The following CAST variants were observed in gnomAD, a reference collection of about 807,000 sequenced individuals.
CAST encodes the protein calpastatin.
Under a neutral mutation model 119.6 loss-of-function variants are expected in CAST, and 76 were observed. That is an observed-to-expected ratio of 0.64 (90% confidence interval 0.53 to 0.77). CAST has a LOEUF of 0.77. CAST is among the 30% of genes least tolerant of loss of function. The pLI, the probability that CAST is intolerant of heterozygous loss-of-function variation, is 0.00. For synonymous variants in CAST, 319 were observed against 331.6 expected, an observed-to-expected ratio of 0.96 and a Z score of 0.41; for missense variants, 953 against 946.5, an observed-to-expected ratio of 1.01 and a Z score of -0.09.
At chr5:96,462,750 A>G in the CAST span, among the ~76,000 whole-genome samples, 2 of 152,110 alleles carry the variant, frequency 1.3e-5, no homozygotes, top group Non-Finnish European at 2.9e-5. Context: ...CCATGTGTCA[A>G]GGGACAAACC....
chr5:96,173,750 C>CT, the CAST span, among the ~76,000 whole-genome samples: 10,228 of 146,820 alleles, frequency 0.07, 1,018 homozygotes, highest in African/African-American at 0.22. Context: ...TTTTTTTTTT[C>CT]TTTTTTTTTT....
At chr5:96,195,975 AGAGT>A in the CAST span, among the ~76,000 whole-genome samples, 1 of 152,162 alleles carries the variant, frequency 6.6e-6, no homozygotes, top group African/African-American at 2.4e-5. Flanking sequence ...TTCAATAGTT[AGAGT>A]GACTATTCTA....
intron 1 of CAST, among the ~76,000 whole-genome samples, chr5:96,618,544 T>C (rs1747519528): frequency 6.6e-6 from 1 of 152,208 alleles, no homozygotes; most frequent in Non-Finnish European, 1.5e-5. Flanking sequence ...GGGCTGCGCA[T>C]GGCGCTCGCG....
chr5:96,270,210 C>T, the CAST span, among the ~76,000 whole-genome samples: 1 of 151,994 alleles, frequency 6.6e-6, no homozygotes, highest in Non-Finnish European at 1.5e-5. Context: ...GACAAAAACC[C>T]CCAACAAACT....
At chr5:96,465,935 G>A in the CAST span, among the ~76,000 whole-genome samples, 11 of 151,992 alleles carry the variant, frequency 7.2e-5, no homozygotes, top group Admixed American at 3.3e-4. Context: ...GTGTATATCC[G>A]TGACTTGAGT....
the CAST span, among the ~76,000 whole-genome samples, chr5:96,514,100 C>T: frequency 6.6e-6 from 1 of 152,178 alleles, no homozygotes; most frequent in Non-Finnish European, 1.5e-5. Context: ...AGTATGACCT[C>T]ATCTTAATAA....
At chr5:96,722,771 ATTG>A in intron 4 of CAST, 73 bp downstream of exon 4, 4 of 1,019,122 alleles carry the variant, frequency 3.9e-6, no homozygotes, top group Non-Finnish European at 6.3e-6. Flanking sequence ...ATGTAGACTA[ATTG>A]TTGATGATGA....
the CAST span, among the ~76,000 whole-genome samples, chr5:96,482,871 C>G: frequency 3.5e-4 from 53 of 152,218 alleles, no homozygotes; most frequent in African/African-American, 1.2e-3. Context: ...TAAACATTCA[C>G]TAGGAAATGG....
intron 18 of CAST, 147 bp from the exon 19 acceptor site, chr5:96,748,371 G>GA (rs1034896665): frequency 5.4e-5 from 23 of 425,262 alleles, no homozygotes; most frequent in Non-Finnish European, 8.1e-5. Flanking sequence ...GTTGATAAAT[G>GA]AAAAAATATG....
chr5:96,325,912 G>A, the CAST span, among the ~76,000 whole-genome samples: 18 of 152,196 alleles, frequency 1.2e-4, no homozygotes, highest in Admixed American at 1.2e-3. Flanking sequence ...GACCCAACTT[G>A]GCGATCCACA....
At chr5:96,046,107 G>T in the CAST span, among the ~76,000 whole-genome samples, 23 of 152,214 alleles carry the variant, frequency 1.5e-4, no homozygotes, top group African/African-American at 5.5e-4. Context: ...TCAGGAAGTG[G>T]CTAGGAGGCC....
chr5:96,460,378 G>T, the CAST span, among the ~76,000 whole-genome samples: 38 of 152,102 alleles, frequency 2.5e-4, no homozygotes, highest in African/African-American at 8.7e-4. Flanking sequence ...GGGCCTGTCA[G>T]GTGGTTGGAG....
the CAST span, among the ~76,000 whole-genome samples, chr5:96,310,796 A>T: frequency 1.4e-5 from 2 of 145,460 alleles, no homozygotes; most frequent in African/African-American, 2.5e-5. Flanking sequence ...GGTTTTGTTT[A>T]TTTGAATCTT....
intron 1 of CAST, among the ~76,000 whole-genome samples, chr5:96,598,058 C>T (rs914371372): frequency 2.0e-5 from 3 of 152,182 alleles, no homozygotes; most frequent in African/African-American, 7.2e-5. Context: ...GTCCTGTGCT[C>T]AGAGACTAAT....
At chr5:96,561,039 C>A (rs1450653846) in intron 1 of CAST, among the ~76,000 whole-genome samples, 1 of 152,282 alleles carries the variant, frequency 6.6e-6, no homozygotes, top group African/African-American at 2.4e-5. Flanking sequence ...AGGATGAGTT[C>A]ATGTCCTTTG....
At chr5:96,398,902 T>C in the CAST span, 3 of 1,613,800 alleles carry the variant, frequency 1.9e-6, no homozygotes, top group Non-Finnish European at 2.5e-6. Context: ...AAGTGTGACA[T>C]GAAGGTCTCC....
chr5:96,283,233 CAT>C, the CAST span, among the ~76,000 whole-genome samples: 1 of 151,570 alleles, frequency 6.6e-6, no homozygotes, highest in Non-Finnish European at 1.5e-5. Flanking sequence ...ATTTATATAA[CAT>C]AGATTTCATC....
At chr5:96,181,008 A>G in the CAST span, among the ~76,000 whole-genome samples, 1 of 152,166 alleles carries the variant, frequency 6.6e-6, no homozygotes, top group Admixed American at 6.5e-5. Flanking sequence ...CTCCATACAG[A>G]GCTATTATTG....
chr5:96,320,411 T>G, the CAST span, among the ~76,000 whole-genome samples: 1 of 151,962 alleles, frequency 6.6e-6, no homozygotes, highest in Non-Finnish European at 1.5e-5. Flanking sequence ...CCAATTTTTG[T>G]ATTTTTAGTA....
Sources: allele counts gnomAD v4.1 joint callset (sites outside exome capture counted in the v4.1 genomes callset), GRCh38; gene constraint gnomAD v4.1.1; transcripts MANE v1.5; gene names NCBI Gene and HGNC (gene_info 2026-07-23, HGNC 2026-07-21).